The following TLE2 variants were observed in gnomAD, a reference collection of about 807,000 sequenced individuals.
TLE2 encodes transducin-like enhancer protein 2.
A neutral mutation model predicts 97.2 loss-of-function variants in TLE2; 74 were observed. The ratio of observed to expected loss-of-function variants is 0.76; its 90% CI spans 0.63 to 0.92. The LOEUF (loss-of-function observed/expected upper bound fraction) is 0.92. TLE2 is among the 40% of genes least tolerant of loss of function. TLE2 has a pLI of 0.00. For synonymous variants in TLE2, 499 were observed against 432.1 expected (o/e 1.15, Z -1.92); for missense variants, 1,038 against 1,008.7 (o/e 1.03, Z -0.39).
At chr19:3,044,459 G>A (rs749355492) in intron 1 of TLE2, among the ~76,000 whole-genome samples, 6 of 152,236 alleles carry the variant, frequency 3.9e-5, no homozygotes, top group South Asian at 2.1e-4. Flanking sequence ...CCGCTCTGTC[G>A]CCCAGGCTGG....
At chr19:3,030,661 T>C (rs923487417), upstream of TLE2, among the ~76,000 whole-genome samples, 6 of 152,102 alleles carry the variant, frequency 3.9e-5, no homozygotes, top group African/African-American at 1.4e-4. Flanking sequence ...TGGTGGGTCA[T>C]GCCTGTAGCT....
chr19:3,019,235 C>G lies in TLE2; in HGVS notation c.550+48G>C. 4 of 1,542,920 alleles carry G rather than the reference C, an allele frequency of 2.6e-6. No homozygotes were observed. Among genetic ancestry groups the G allele is most frequent in the Non-Finnish European group, 3.5e-6 (4 of 1,151,296 alleles). ...GCTACCCTGGACTGCCAGTCGTCCT[C>G]CCCAGCCCCGTCTCCCCAGCCAATG... On this transcript the variant is annotated intron_variant, in intron 7 of 19. Coordinates refer to ENST00000262953, the MANE Select transcript of TLE2 (RefSeq NM_003260.5). The surrounding 1 kb of genome is among the most constrained non-coding windows in gnomAD (Gnocchi z 5.1).
At chr19:3,042,631 AG>A (rs1380355290) in intron 1 of TLE2, among the ~76,000 whole-genome samples, 1 of 150,964 alleles carries the variant, frequency 6.6e-6, no homozygotes, top group African/African-American at 2.4e-5. Flanking sequence ...CCCGAGACAG[AG>A]GGGGCGAGGC....
At position 3,010,950 on chromosome 19, in the gene TLE2, C is replaced by T. The variant is rs2089582014; in HGVS notation, c.1012+72G>A. The T allele has an allele frequency of 6.5e-6, 10 of 1,527,192 alleles. No homozygotes were observed. The East Asian group carries it at 2.5e-4, about 38-fold the overall frequency. The allele number at this position is 1,527,192 out of a possible 1,614,324, so 94.6% of individuals were successfully genotyped here. ...CCTGGAATCCCAGCATTCTGCCTCT[C>T]CAGCCCCTTTTCCTAGATCTCCCCA... On this transcript the variant is annotated intron_variant, in intron 12 of 19. Coordinates refer to ENST00000262953, the MANE Select transcript of TLE2 (RefSeq NM_003260.5).
chr19:3,000,682 C>T lies in TLE2; in HGVS notation c.2089G>A (p.Ala697Thr), dbSNP rs1384885129. ...VSTGKDNLLN[A>T]WRTPYGASIF... ...CTGGCCCCGTACGGCGTCCTCCAGG[C>T]GTTGAGCAGGTTGTCCTTCCCGGTG... The change falls in exon 19 of 20, where the codon GCC becomes ACC. Residue 697 changes from alanine (A) to threonine (T), a missense_variant. Ala to Thr is a moderately conservative substitution (Grantham distance 58, BLOSUM62 0). Coordinates refer to ENST00000262953, the MANE Select transcript of TLE2 (RefSeq NM_003260.5). The T allele has an allele frequency of 1.3e-5, 20 of 1,594,652 alleles. No homozygotes were observed. The highest frequency in any genetic ancestry group is 5.3e-5 in the Admixed American group (3 of 57,060).
At chr19:3,023,888 T>TCA (rs140844301) in intron 5 of TLE2, among the ~76,000 whole-genome samples, 32,731 of 144,182 alleles carry the variant, frequency 0.23, 3,783 homozygotes, top group Middle Eastern at 0.29. Flanking sequence ...CAAGAATCCA[T>TCA]CACACACACA....
At chr19:3,038,340 C>G (rs1021458048) in intron 1 of TLE2, among the ~76,000 whole-genome samples, 2 of 152,092 alleles carry the variant, frequency 1.3e-5, no homozygotes, top group Non-Finnish European at 2.9e-5. Context: ...TCCGGAGTAG[C>G]TGGAATCACA....
chr19:3,027,845 A>T lies in TLE2; in HGVS notation c.215T>A (p.Ile72Asn), dbSNP rs1490853781. The T allele has an allele frequency of 6.2e-7, 1 of 1,611,836 alleles. No individual in the cohort carries two copies. Among genetic ancestry groups the T allele is most frequent in the South Asian group, 1.1e-5 (1 of 90,172 alleles). The change falls in exon 4 of 20, where the codon ATT (isoleucine) becomes AAT (asparagine). Residue 72 changes from isoleucine (I) to asparagine (N), a missense_variant. Physicochemically the swap from Ile to Asn is moderately radical, Grantham distance 149 (BLOSUM62 -3). Transcript: ENST00000262953. ...MYYEMSYGLNIEMHKQAEIVK... is the reference protein window; with the variant it reads ...MYYEMSYGLNNEMHKQAEIVK... The stretch of plus-strand genomic sequence containing the variant: ...CCCAGTTACCTGCTTATGCATTTCA[A>T]TGTTGAGCCCGTACGACATCTCATA...
At chr19:3,021,729 C>G (rs562519067) in intron 5 of TLE2, among the ~76,000 whole-genome samples, 1 of 151,562 alleles carries the variant, frequency 6.6e-6, no homozygotes, top group Admixed American at 6.6e-5. Flanking sequence ...ATTACAGGTG[C>G]GCACCACCAC....
upstream of TLE2, among the ~76,000 whole-genome samples, chr19:3,046,376 T>A (rs540354020): frequency 6.6e-6 from 1 of 152,222 alleles, no homozygotes; most frequent in Non-Finnish European, 1.5e-5. Flanking sequence ...GAATGTCTAA[T>A]GCGTCCTAGC....
chr19:3,017,939 C>T (rs1333701786), intron 7 of TLE2, 80 bp from the exon 8 acceptor site: 24 of 1,414,830 alleles, frequency 1.7e-5, no homozygotes, highest in African/African-American at 5.8e-5. Context: ...AGGGTACAGC[C>T]CTCCAGTTTA....
rs375095902 is a variant in TLE2 at position 3,006,450 on chromosome 19, G to A, written c.1470C>T (p.Ala490=). Residue 490 remains alanine (A), a synonymous_variant, in exon 15 of 20, where the codon GCC becomes GCT. Transcript: ENST00000262953. ...VKVWDVGQPG[A]KTPVAQLDCL... ...AGTCGAGCTGGGCCACGGGCGTCTT[G>A]GCCCCAGGCTGGCCCACGTCCCACA... The A allele has an allele frequency of 1.7e-5, 28 of 1,610,528 alleles. No homozygotes were observed. The highest frequency in any genetic ancestry group is 2.2e-5 in the South Asian group (2 of 90,868).
chr19:3,042,009 T>G (rs2090106894), intron 1 of TLE2, among the ~76,000 whole-genome samples: 1 of 151,082 alleles, frequency 6.6e-6, no homozygotes, highest in Non-Finnish European at 1.5e-5. Flanking sequence ...AACCCACCAT[T>G]AGCCACGCGG....
At chr19:3,035,937 C>A (rs917616839) in intron 1 of TLE2, among the ~76,000 whole-genome samples, 1 of 152,168 alleles carries the variant, frequency 6.6e-6, no homozygotes, top group Non-Finnish European at 1.5e-5. Flanking sequence ...CGAGTCACCC[C>A]CAAGCCTGGC....
At chr19:3,021,155 C>T (rs1474015151) in intron 5 of TLE2, among the ~76,000 whole-genome samples, 1 of 137,418 alleles carries the variant, frequency 7.3e-6, no homozygotes, top group South Asian at 2.4e-4. Context: ...ACCTGTAATC[C>T]CAGCACTTTG....
chr19:3,006,242 C>T, intron 15 of TLE2, 178 bp downstream of exon 15: 1 of 1,146,150 alleles, frequency 8.7e-7, no homozygotes, highest in Non-Finnish European at 1.3e-6. Flanking sequence ...TTGGCCAGAG[C>T]CCCACCCCTT....
At chr19:2,999,965 G>A (rs1376167008) in intron 19 of TLE2, among the ~76,000 whole-genome samples, 1 of 148,286 alleles carries the variant, frequency 6.7e-6, no homozygotes, top group African/African-American at 2.5e-5. Context: ...CCCGGGAGGT[G>A]GAGCTTGCAG....
chr19:3,000,772 A>G, intron 18 of TLE2, 49 bp from the exon 19 acceptor site: 1 of 1,447,038 alleles, frequency 6.9e-7, no homozygotes, highest in Non-Finnish European at 9.5e-7. Context: ...CTAACGAGAG[A>G]CCCGGGCTGC....
rs370836721 is a variant in TLE2, at chr19:3,008,833, G to A, written c.1250+36C>T. 95 of 1,489,768 alleles carry A rather than the reference G, an allele frequency of 6.4e-5. No homozygotes were observed. The Middle Eastern group carries it at 9.5e-4, about 15-fold the overall frequency. The allele number at this position is 1,489,768 out of a possible 1,614,324, so 92.3% of individuals were successfully genotyped here. ...CTCAGAGGAGGTGGGGGGCTGGCCC[G>A]GGACCCCAGGCAGGGAGCCCCACCC... On this transcript the variant is annotated intron_variant, in intron 14 of 19. Transcript: ENST00000262953.
Sources: gnomAD v4.1 joint callset for allele counts (sites outside exome capture counted in the v4.1 genomes callset) on GRCh38, gnomAD v4.1.1 for gene constraint, Gnocchi (gnomAD v3.1) non-coding constraint, MANE v1.5 for transcripts, NCBI Gene and HGNC (gene_info 2026-07-23, HGNC 2026-07-21) for gene names.